Variants in ZNF177 observed in about 807,000 individuals in gnomAD.
The protein encoded by ZNF177 is zinc finger protein 177.
In ZNF177, 17 loss-of-function variants were observed where a neutral mutation model predicts 19.4. That is an observed-to-expected ratio of 0.87 (90% CI 0.60 to 1.31). The LOEUF (loss-of-function observed/expected upper bound fraction) is 1.31. Ranked by LOEUF, ZNF177 falls within the 40% of genes most tolerant of loss-of-function variation. The probability of loss-of-function intolerance (pLI) is 0.00; values close to 1 mark genes in which losing one functional copy is unlikely to be tolerated. For missense variants in ZNF177, 633 were observed against 561.8 expected (o/e 1.13, Z -1.28); for synonymous variants, 220 against 188.7 (o/e 1.17, Z -1.36).
chr19:9,364,051 A>G (rs1019661128), intron 1 of ZNF177, among the ~76,000 whole-genome samples: 1 of 152,234 alleles, frequency 6.6e-6, no homozygotes, highest in Non-Finnish European at 1.5e-5. Context: ...AGTGGTTTTT[A>G]GTATATTGAG....
At chr19:9,381,228 T>G (rs2122566933) in exon 6 of ZNF177, 1 of 1,614,092 alleles carries the variant, frequency 6.2e-7, no homozygotes, top group East Asian at 2.2e-5. Flanking sequence ...AGTCTTCCCT[T>G]AAGAAACACA....
At chr19:9,377,316 G>C (rs958460559) in intron 1 of ZNF177, among the ~76,000 whole-genome samples, 2 of 152,072 alleles carry the variant, frequency 1.3e-5, no homozygotes, top group African/African-American at 4.8e-5. Context: ...CACATTACTG[G>C]TTTATATATT....
At position 9,381,354 on chromosome 19, in the gene ZNF177, CTG is replaced by C. The variant is rs2068198158; in HGVS notation, c.1025_1026del (p.Cys342Ter). ...CTCACACTGGAGAGAAACCCTATGA[CTG>C]TAAGGAATGTGGGAAGGCTTTCACT... On this transcript the variant is annotated frameshift_variant, in exon 6 of 6. Transcript: ENST00000589262. LOFTEE classifies it low-confidence loss of function (END_TRUNC). 1 of 1,610,934 alleles carries C rather than the reference CTG, an allele frequency of 6.2e-7. No homozygotes were observed. Among genetic ancestry groups the C allele is most frequent in the Non-Finnish European group, 8.5e-7 (1 of 1,179,130 alleles).
chr19:9,375,972 G>T (rs1289336548), upstream of ZNF177, among the ~76,000 whole-genome samples: 3 of 152,004 alleles, frequency 2.0e-5, no homozygotes, highest in African/African-American at 7.3e-5. Flanking sequence ...ACTCACCCTT[G>T]CTCTCTTTGG....
At chr19:9,379,373 A>G (rs2068156451) in intron 3 of ZNF177, among the ~76,000 whole-genome samples, 154 bp from the exon 6 acceptor site, 1 of 152,250 alleles carries the variant, frequency 6.6e-6, no homozygotes. Flanking sequence ...GTTCTTGTGA[A>G]AGAAAGAGCT....
chr19:9,363,978 C>T (rs1194347903), intron 1 of ZNF177, among the ~76,000 whole-genome samples: 1 of 152,120 alleles, frequency 6.6e-6, no homozygotes, highest in African/African-American at 2.4e-5. Context: ...AAAGACATTC[C>T]CTTCTGTAAC....
chr19:9,379,681 T>C, intron 4 of ZNF177, 62 bp downstream of exon 6: 1 of 1,564,966 alleles, frequency 6.4e-7, no homozygotes, highest in Non-Finnish European at 8.7e-7. Flanking sequence ...TTTGGGAATG[T>C]CACTCAGTGA....
At chr19:9,373,862 TG>T (rs2068078172), upstream of ZNF177, among the ~76,000 whole-genome samples, 1 of 152,188 alleles carries the variant, frequency 6.6e-6, no homozygotes, top group Non-Finnish European at 1.5e-5. Flanking sequence ...TCCATAAGGT[TG>T]CTTTTTCATT....
chr19:9,370,246 A>G (rs1599385581), intron 2 of ZNF177, among the ~76,000 whole-genome samples: 1 of 152,000 alleles, frequency 6.6e-6, no homozygotes, highest in East Asian at 1.9e-4. Flanking sequence ...ATGGCTTCCA[A>G]ATTCCACAGT....
chr19:9,373,068 T>C (rs1419553493), upstream of ZNF177, among the ~76,000 whole-genome samples: 1 of 152,218 alleles, frequency 6.6e-6, no homozygotes, highest in Non-Finnish European at 1.5e-5. Flanking sequence ...TCATTAACTA[T>C]AGTCACCAAG....
exon 6 of ZNF177, chr19:9,381,242 G>C: frequency 6.2e-7 from 1 of 1,614,134 alleles, no homozygotes; most frequent in Non-Finnish European, 8.5e-7. Context: ...AAACACATGA[G>C]ATCTCATACT....
exon 5 of ZNF177, chr19:9,380,079 A>C: frequency 6.2e-7 from 1 of 1,612,106 alleles, no homozygotes; most frequent in Non-Finnish European, 8.5e-7. Flanking sequence ...AACTTAAACC[A>C]AAAGATACAA....
At chr19:9,365,055 G>A (rs923557240) in intron 2 of ZNF177, 107 bp downstream of exon 2, 1 of 152,188 alleles carries the variant, frequency 6.6e-6, no homozygotes, top group South Asian at 2.1e-4. Context: ...TTGTTTCAGT[G>A]ATGTGTGTAG....
chr19:9,374,936 A>G (rs1442131432), upstream of ZNF177, among the ~76,000 whole-genome samples: 2 of 152,166 alleles, frequency 1.3e-5, no homozygotes, highest in African/African-American at 4.8e-5. Flanking sequence ...CTTAGAGGAA[A>G]AGCTTTCAAT....
At chr19:9,374,864 A>G (rs1282487888), upstream of ZNF177, among the ~76,000 whole-genome samples, 2 of 152,132 alleles carry the variant, frequency 1.3e-5, no homozygotes, top group African/African-American at 4.8e-5. Context: ...TGTTCTGGCT[A>G]GAACTTCAGT....
intron 1 of ZNF177, 105 bp downstream of exon 1, chr19:9,363,189 CTCCGGCTA>C (rs985757972): frequency 1.5e-4 from 23 of 152,386 alleles, no homozygotes; most frequent in African/African-American, 5.5e-4. Flanking sequence ...CCGCCCCAGC[CTCCGGCTA>C]TCGCGGCGTT....
chr19:9,369,038 T>C (rs2068014786), intron 2 of ZNF177, among the ~76,000 whole-genome samples: 1 of 152,102 alleles, frequency 6.6e-6, no homozygotes, highest in Non-Finnish European at 1.5e-5. Flanking sequence ...TATACCAAAT[T>C]TGGAAGGTTT....
intron 2 of ZNF177, among the ~76,000 whole-genome samples, chr19:9,368,203 T>C (rs995751256): frequency 6.6e-6 from 1 of 152,192 alleles, no homozygotes; most frequent in Non-Finnish European, 1.5e-5. Context: ...GATTCTTCTT[T>C]TATATTTTTT....
At chr19:9,367,669 C>T (rs568435823) in intron 2 of ZNF177, among the ~76,000 whole-genome samples, 2 of 152,094 alleles carry the variant, frequency 1.3e-5, no homozygotes, top group African/African-American at 2.4e-5. Context: ...ATCAGTATGC[C>T]AATCTCAAAG....
Sources: gnomAD v4.1 joint callset for allele counts (sites outside exome capture counted in the v4.1 genomes callset) on GRCh38, gnomAD v4.1.1 for gene constraint, MANE v1.5 for transcripts, NCBI Gene and HGNC (gene_info 2026-07-23, HGNC 2026-07-21) for gene names.